Variants in GLYATL2 observed in about 807,000 individuals in gnomAD.
The protein encoded by GLYATL2 is glycine N-acyltransferase-like protein 2.
Under a neutral mutation model 21.4 loss-of-function variants are expected in GLYATL2, and 25 were observed. That is an observed-to-expected ratio of 1.17 (90% CI 0.85 to 1.63). The LOEUF (loss-of-function observed/expected upper bound fraction) is 1.63. GLYATL2 is among the 40% of genes most tolerant of loss of function. GLYATL2 has a pLI of 0.00. For synonymous variants in GLYATL2, 114 were observed against 118.2 expected, an observed-to-expected ratio of 0.96 and a Z score of 0.23; for missense variants, 361 against 343.3, an observed-to-expected ratio of 1.05 and a Z score of -0.41.
At chr11:58,870,369 A>G (rs1854096540) in intron 1 of GLYATL2, among the ~76,000 whole-genome samples, 1 of 152,216 alleles carries the variant, frequency 6.6e-6, no homozygotes, top group African/African-American at 2.4e-5. Flanking sequence ...GAGGGATTTC[A>G]GGGAGGTGAC....
chr11:58,909,325 G>A, the GLYATL2 span, among the ~76,000 whole-genome samples: 1 of 152,092 alleles, frequency 6.6e-6, no homozygotes. Flanking sequence ...ACAGCATGGT[G>A]CCTATAGTTA....
intron 1 of GLYATL2, among the ~76,000 whole-genome samples, chr11:58,894,479 A>C (rs909056819): frequency 5.3e-5 from 8 of 151,244 alleles, no homozygotes; most frequent in African/African-American, 7.3e-5. Flanking sequence ...GCTATAGCAA[A>C]AAAAAAAAAA....
Position 58,834,743 on chromosome 11 carries a change from A to G in GLYATL2, c.571T>C (p.Tyr191His), listed in dbSNP as rs1853396505. ...AFGKNERSLK[Y>H]IERCLQDFLG... ...AAATCCTGGAGGCAGCGTTCAATAT[A>G]TTTCAAGCTCCTCTCATTTTTCCCA... Residue 191 changes from tyrosine (Y) to histidine (H), a missense_variant, in exon 6 of 6, where the codon TAT becomes CAT. Tyr to His is a moderately conservative substitution (Grantham distance 83). Coordinates refer to ENST00000287275, the MANE Select transcript of GLYATL2 (RefSeq NM_145016.4). 2 of 1,614,014 alleles carry G rather than the reference A, an allele frequency of 1.2e-6. No individual in the cohort carries two copies. Among genetic ancestry groups the G allele is most frequent in the Non-Finnish European group, 1.7e-6 (2 of 1,179,960 alleles).
intron 1 of GLYATL2, among the ~76,000 whole-genome samples, chr11:58,889,614 C>CT (rs376575382): frequency 0.014 from 2,144 of 150,360 alleles, 50 homozygotes; most frequent in African/African-American, 0.049. Context: ...TCATTTTTGT[C>CT]TTTTTTTTTG....
At chr11:58,842,928 G>A (rs1169276448) in intron 1 of GLYATL2, among the ~76,000 whole-genome samples, 3 of 152,106 alleles carry the variant, frequency 2.0e-5, no homozygotes, top group Non-Finnish European at 4.4e-5. Context: ...TTTATTAAAT[G>A]TATACGCAGT....
At chr11:58,839,674 CA>C in intron 1 of GLYATL2, 22 bp from the exon 2 acceptor site, 1 of 1,184,154 alleles carries the variant, frequency 8.4e-7, no homozygotes, top group Non-Finnish European at 1.2e-6. Context: ...AACACAAAAA[CA>C]AAAATACCTA....
intron 1 of GLYATL2, among the ~76,000 whole-genome samples, chr11:58,899,293 A>C (rs1229996590): frequency 6.6e-6 from 1 of 152,162 alleles, no homozygotes; most frequent in East Asian, 1.9e-4. Context: ...TGTACAGGGC[A>C]AAGCTGTCTC....
In GLYATL2 at chr11:58,843,793, A is replaced by T. The variant is rs571255331; in HGVS notation, c.-41+641T>A. 3.9e-5 allele frequency among the ~76,000 whole-genome samples: 6 copies of T among 152,304 alleles called. No homozygotes were observed. The South Asian group carries it at 1.0e-3, about 26-fold the overall frequency. ...TATTAGAGGTTAAGATGTCAGAGGC[A>T]CTCAGAGGTAGATCAGTTTGGGATG... On this transcript the variant is annotated intron_variant, in intron 1 of 5. Transcript: ENST00000287275.
chr11:58,886,642 G>T (rs1854445989), intron 1 of GLYATL2, among the ~76,000 whole-genome samples: 1 of 152,188 alleles, frequency 6.6e-6, no homozygotes, highest in South Asian at 2.1e-4. Flanking sequence ...GCCATTGTTG[G>T]CTGAGGACAT....
chr11:58,870,688 G>A (rs1209271944), intron 1 of GLYATL2, among the ~76,000 whole-genome samples: 2 of 152,202 alleles, frequency 1.3e-5, no homozygotes, highest in Non-Finnish European at 2.9e-5. Context: ...CAGGCAGAAC[G>A]ATTTACTTGT....
At chr11:58,906,841 G>T (rs544542124), upstream of GLYATL2, among the ~76,000 whole-genome samples, 6 of 152,124 alleles carry the variant, frequency 3.9e-5, no homozygotes, top group Non-Finnish European at 7.4e-5. Flanking sequence ...CCACATAGAC[G>T]GTTGTTTAAA....
chr11:58,837,427 A>G (rs770298731), intron 3 of GLYATL2, 30 bp from the exon 4 acceptor site: 4 of 1,597,986 alleles, frequency 2.5e-6, no homozygotes, highest in Non-Finnish European at 3.4e-6. Context: ...TTATATTTAC[A>G]TAGCGCTACA....
chr11:58,859,111 T>C (rs1853885121), intron 1 of GLYATL2, among the ~76,000 whole-genome samples: 1 of 152,180 alleles, frequency 6.6e-6, no homozygotes, highest in South Asian at 2.1e-4. Context: ...GAAAATGTAC[T>C]GCAATCCCCC....
intron 1 of GLYATL2, among the ~76,000 whole-genome samples, chr11:58,859,458 A>G (rs1853894000): frequency 6.6e-6 from 1 of 152,110 alleles, no homozygotes; most frequent in Non-Finnish European, 1.5e-5. Context: ...GCCTTTGCCC[A>G]TTTTTAATTT....
intron 1 of GLYATL2, among the ~76,000 whole-genome samples, chr11:58,861,557 A>G (rs1853932317): frequency 6.6e-6 from 1 of 151,320 alleles, no homozygotes; most frequent in African/African-American, 2.4e-5. Flanking sequence ...TATAGTTTCT[A>G]TTTAATTTAA....
chr11:58,899,816 A>AAT (rs34652932), intron 1 of GLYATL2, among the ~76,000 whole-genome samples: 32,583 of 151,626 alleles, frequency 0.21, 3,694 homozygotes, highest in African/African-American at 0.28. Flanking sequence ...ATTACAACAG[A>AAT]ATATATATAT....
chr11:58,842,206 C>A (rs562119747), intron 1 of GLYATL2, among the ~76,000 whole-genome samples: 1 of 152,218 alleles, frequency 6.6e-6, no homozygotes, highest in South Asian at 2.1e-4. Flanking sequence ...TAATTCTCAG[C>A]ATACTTGTGA....
chr11:58,878,564 C>G (rs493580), intron 1 of GLYATL2, among the ~76,000 whole-genome samples: 133,014 of 152,178 alleles, frequency 0.87, 59,292 homozygotes, highest in Non-Finnish European at 0.96. Context: ...TAACAGCTGA[C>G]TGGGTCAGAA....
chr11:58,880,877 A>G (rs1237954438), intron 1 of GLYATL2, among the ~76,000 whole-genome samples: 1 of 152,236 alleles, frequency 6.6e-6, no homozygotes, highest in Non-Finnish European at 1.5e-5. Flanking sequence ...AGACAAGACA[A>G]AATGTTTCAC....
Sources: gnomAD v4.1 joint callset for allele counts (sites outside exome capture counted in the v4.1 genomes callset) on GRCh38, gnomAD v4.1.1 for gene constraint, MANE v1.5 for transcripts, NCBI Gene and HGNC (gene_info 2026-07-23, HGNC 2026-07-21) for gene names.